The following PAPLN variants were observed in gnomAD, a reference collection of about 807,000 sequenced individuals.
The protein encoded by PAPLN is papilin.
Under a neutral mutation model 159.0 loss-of-function variants are expected in PAPLN, and 146 were observed. The ratio of observed to expected loss-of-function variants is 0.92; its 90% CI spans 0.80 to 1.05. The LOEUF is 1.05. Ranked by LOEUF, PAPLN falls within the 50% of genes least tolerant of loss-of-function variation. PAPLN has a pLI of 0.00. For missense variants in PAPLN, 1,720 were observed against 1,743.9 expected (o/e 0.99, Z 0.24); for synonymous variants, 734 against 702.9 (o/e 1.04, Z -0.70).
intron 14 of PAPLN, 41 bp downstream of exon 14, chr14:73,255,059 C>G: frequency 1.9e-6 from 3 of 1,581,536 alleles, no homozygotes; most frequent in South Asian, 1.1e-5. Context: ...CCTCTGACCT[C>G]TCTCCCACTC....
At position 73,264,303 on chromosome 14, in the gene PAPLN, G is replaced by A. The variant is rs776575537; in HGVS notation, c.2954G>A (p.Arg985His). 2.7e-5 allele frequency: 44 copies of A among 1,613,798 alleles called. No individual in the cohort carries two copies. Among genetic ancestry groups the A allele is most frequent in the Admixed American group, 1.3e-4 (8 of 59,986 alleles). Reference sequence around the variant, plus strand: ...AGCTGTGGCAGCACCCGGCCAGGCCGCGACTCCCAGAAGATCCAACTTCGC... The same window carrying A: ...AGCTGTGGCAGCACCCGGCCAGGCCACGACTCCCAGAAGATCCAACTTCGC... ...TYSCGSTRPG[R>H]DSQKIQLRII... The change falls in exon 21 of 27, where the codon CGC (arginine) becomes CAC (histidine). Residue 985 changes from arginine to histidine, a missense_variant. Transcript: ENST00000644200.
chr14:73,272,708 G>A lies in PAPLN; in HGVS notation c.*44G>A. On this transcript the variant is annotated 3_prime_UTR_variant, in exon 27 of 27. Coordinates refer to ENST00000644200, the MANE Select transcript of PAPLN (RefSeq NM_001365906.3). ...GCCCCAGTCCAAAATAGTTCATAGG[G>A]CTAGGGAGAAAGGAAGATGGACTCT... 2.1e-6 allele frequency: 3 copies of A among 1,453,860 alleles called. No individual in the cohort carries two copies. Among genetic ancestry groups the A allele is most frequent in the Non-Finnish European group, 1.8e-6 (2 of 1,089,044 alleles). The allele number at this position is 1,453,860 out of a possible 1,614,324, so 90.1% of individuals were successfully genotyped here.
At chr14:73,266,455 G>T in intron 23 of PAPLN, 46 bp from the exon 24 acceptor site, 3 of 1,605,888 alleles carry the variant, frequency 1.9e-6, no homozygotes, top group Middle Eastern at 1.8e-4. Flanking sequence ...TGGAGGAGAG[G>T]GGAGGCTCCT....
At chr14:73,240,347 G>C (rs911888732) in intron 2 of PAPLN, among the ~76,000 whole-genome samples, 4 of 152,102 alleles carry the variant, frequency 2.6e-5, no homozygotes, top group Non-Finnish European at 5.9e-5. Context: ...CTATCCAATA[G>C]GTAGCCCCTA....
rs939153666 is a variant in PAPLN, at chr14:73,261,242, G to A, written c.2193G>A (p.Val731=). 1.2e-6 allele frequency: 2 copies of A among 1,613,670 alleles called. No homozygotes were observed. The highest frequency in any genetic ancestry group is 2.7e-5 in the African/African-American group (2 of 74,880). Residue 731 remains valine, a synonymous_variant, in exon 18 of 27, where the codon GTG becomes GTA. Transcript: ENST00000644200. ...GSQFGCCYDN[V]ATAAGPLGEG... is the part of the protein sequence containing the mutation. ...AGTTTGGCTGTTGCTATGACAACGT[G>A]GCCACTGCAGCCGGTCCTCTTGGGG...
chr14:73,246,246 C>G, intron 5 of PAPLN, 71 bp downstream of exon 5: 2 of 1,308,444 alleles, frequency 1.5e-6, no homozygotes, highest in Non-Finnish European at 1.0e-6. Context: ...TTCCTATTGC[C>G]GTATTATAGA....
In PAPLN at chr14:73,268,579, G is replaced by A. The variant is rs939463335; in HGVS notation, c.3523G>A (p.Asp1175Asn). 1.9e-6 allele frequency: 3 copies of A among 1,613,234 alleles called. No individual in the cohort carries two copies. The highest frequency in any genetic ancestry group is 2.7e-5 in the African/African-American group (2 of 74,890). ...CAGGAACGGGCTACCTGTGCAGGCT[G>A]ATGGCCACCGTGTCCACCAGTCCCC... ...WSRNGLPVQADGHRVHQSPDG... is the reference protein window; with the variant it reads ...WSRNGLPVQANGHRVHQSPDG... The change falls in exon 26 of 27, where the codon GAT becomes AAT. Residue 1175 changes from aspartate to asparagine, a missense_variant. Asp to Asn is a conservative substitution (Grantham distance 23). Transcript: ENST00000644200.
intron 17 of PAPLN, 49 bp downstream of exon 17, chr14:73,260,878 T>A: frequency 5.4e-6 from 8 of 1,491,974 alleles, no homozygotes; most frequent in Non-Finnish European, 7.1e-6. Context: ...CCCGTGAGCC[T>A]GCTCAGTGTC....
chr14:73,261,433 A>G, intron 18 of PAPLN, 139 bp downstream of exon 18: 1 of 1,278,100 alleles, frequency 7.8e-7, no homozygotes, highest in Non-Finnish European at 1.1e-6. Context: ...ATTGCCTGCT[A>G]GGTGCCAGGC....
intron 26 of PAPLN, 109 bp from the exon 27 acceptor site, chr14:73,272,386 C>T (rs1887818567): frequency 9.2e-7 from 1 of 1,088,578 alleles, no homozygotes; most frequent in Non-Finnish European, 1.3e-6. Flanking sequence ...CGTTTTCAAT[C>T]TGGCAGTTAT....
At chr14:73,247,984 C>CTGTG (rs60942606) in intron 5 of PAPLN, among the ~76,000 whole-genome samples, 352 of 19,372 alleles carry the variant, frequency 0.018, 17 homozygotes, top group Non-Finnish European at 0.022. Context: ...CTCATATCCT[C>CTGTG]TGTGTGTGTG....
chr14:73,260,250 A>G (rs1197731063), intron 16 of PAPLN, among the ~76,000 whole-genome samples: 7 of 152,066 alleles, frequency 4.6e-5, no homozygotes, highest in Admixed American at 6.5e-5. Flanking sequence ...TGGCACAGAG[A>G]GGGCGCCGGG....
rs1258479324 is a variant in PAPLN at position 73,251,749 on chromosome 14, C to T, written c.756C>T (p.Ile252=). Residue 252 remains isoleucine (I), a synonymous_variant, in exon 9 of 27, where the codon ATC becomes ATT. Transcript: ENST00000644200. ...AARALPAAST[I]LHYERGAEGD... is the part of the protein sequence containing the mutation. Reference sequence around the variant, plus strand: ...GGGCCCTGCCAGCAGCCAGCACCATCCTGCATTACGAGCGGGGTGCTGAGG... The same window carrying T: ...GGGCCCTGCCAGCAGCCAGCACCATTCTGCATTACGAGCGGGGTGCTGAGG... 1 of 1,612,896 alleles carries T rather than the reference C, an allele frequency of 6.2e-7. No homozygotes were observed. Among genetic ancestry groups the T allele is most frequent in the Non-Finnish European group, 8.5e-7 (1 of 1,179,892 alleles).
At position 73,250,065 on chromosome 14, in the gene PAPLN, C is replaced by T. The variant is rs576678596; in HGVS notation, c.416C>T (p.Thr139Met). The change falls in exon 6 of 27, where the codon ACG becomes ATG. Residue 139 changes from threonine to methionine, a missense_variant. Coordinates refer to ENST00000644200, the MANE Select transcript of PAPLN (RefSeq NM_001365906.3). ...CACAGGGAGGCTGTGGTTGATGGGA[C>T]GCCCTGCGAGCCTGGCAAGAGGGAT... ...YKHREAVVDGTPCEPGKRDVC... is the reference protein window; with the variant it reads ...YKHREAVVDGMPCEPGKRDVC... The T allele has an allele frequency of 1.5e-5, 24 of 1,612,982 alleles. No homozygotes were observed. The highest frequency in any genetic ancestry group is 8.8e-5 in the South Asian group (8 of 90,792).
At chr14:73,239,921 A>T in intron 2 of PAPLN, 89 bp downstream of exon 2, 1 of 1,469,570 alleles carries the variant, frequency 6.8e-7, no homozygotes, top group Non-Finnish European at 9.0e-7. Context: ...GTCCCCAGGA[A>T]AGGGGCGATG....
Position 73,262,396 on chromosome 14 carries a change from A to C in PAPLN, c.2292A>C (p.Ala764=), listed in dbSNP as rs1886683014. 1.9e-6 allele frequency: 3 copies of C among 1,614,028 alleles called. No individual in the cohort carries two copies. The highest frequency in any genetic ancestry group is 2.5e-6 in the Non-Finnish European group (3 of 1,179,986). The change falls in exon 19 of 27, where the codon GCA becomes GCC. Residue 764 remains alanine, a synonymous_variant. Transcript: ENST00000644200. ...TGCCCAGTGCCCATGGCTCTTGCGC[A>C]GACTGGGCTGCCCGCTGGTACTTCG... ...CLLPSAHGSC[A]DWAARWYFVA...
At chr14:73,244,488 C>G (rs896467183) in intron 2 of PAPLN, 156 bp from the exon 3 acceptor site, 1 of 613,754 alleles carries the variant, frequency 1.6e-6, no homozygotes, top group African/African-American at 1.9e-5. Flanking sequence ...TTTGGGGTGC[C>G]CGGCAGTGTT....
At chr14:73,248,530 A>G (rs1198752998) in intron 5 of PAPLN, among the ~76,000 whole-genome samples, 1 of 152,214 alleles carries the variant, frequency 6.6e-6, no homozygotes, top group Non-Finnish European at 1.5e-5. Context: ...AAGGTAGGGT[A>G]CAGTGGCTCA....
At chr14:73,252,513 G>A (rs1454596824) in intron 10 of PAPLN, 136 bp from the exon 11 acceptor site, 14 of 1,186,986 alleles carry the variant, frequency 1.2e-5, no homozygotes, top group Admixed American at 2.9e-5. Context: ...AGATGTGGTG[G>A]CACCTGCCTC....
Sources: allele counts gnomAD v4.1 joint callset (sites outside exome capture counted in the v4.1 genomes callset), GRCh38; gene constraint gnomAD v4.1.1; transcripts MANE v1.5; gene names NCBI Gene and HGNC (gene_info 2026-07-23, HGNC 2026-07-21).